Variants in SGSM1 observed in about 807,000 individuals in gnomAD.
SGSM1 encodes the protein small G protein signaling modulator 1.
In SGSM1, 73 loss-of-function variants were observed where a neutral mutation model predicts 133.8. The observed-to-expected ratio is 0.55, with a 90% CI of 0.45 to 0.66. The LOEUF (loss-of-function observed/expected upper bound fraction) is 0.66. Among genes scored for constraint, SGSM1 ranks in the 30% least tolerant of loss-of-function variants. The pLI, the probability that SGSM1 is intolerant of heterozygous loss-of-function variation, is 0.00. For missense variants in SGSM1, 1,213 were observed against 1,448.1 expected, an observed-to-expected ratio of 0.84 and a Z score of 2.64; for synonymous variants, 563 against 573.0, an observed-to-expected ratio of 0.98 and a Z score of 0.25.
chr22:24,884,059 C>T lies in SGSM1; in HGVS notation c.1502C>T (p.Ala501Val), dbSNP rs1932472122. The T allele has an allele frequency of 7.4e-6, 12 of 1,610,808 alleles. No individual in the cohort carries two copies. The highest frequency in any genetic ancestry group is 1.0e-5 in the Non-Finnish European group (12 of 1,178,446). ...TCCCTCCCTCCCTCAACAGGGCTGG[C>T]CTACTGCAGACACCTGTCCACCGTG... Reference protein sequence around the residue: ...ILSRAFYGWLAYCRHLSTVRT... With the variant: ...ILSRAFYGWLVYCRHLSTVRT... Residue 501 changes from alanine (A) to valine (V), a missense_variant, in exon 15 of 25, where the codon GCC (alanine) becomes GTC (valine). Coordinates refer to ENST00000400358, the MANE Select transcript of SGSM1 (RefSeq NM_001098497.3).
chr22:24,911,297 T>C (rs1390467259), intron 21 of SGSM1, among the ~76,000 whole-genome samples: 1 of 150,726 alleles, frequency 6.6e-6, no homozygotes, highest in East Asian at 1.9e-4. Context: ...CACTTTTTTT[T>C]TTTTTTTTTT....
At position 24,855,390 on chromosome 22, in the gene SGSM1, A is replaced by G; in HGVS notation, c.629A>G (p.His210Arg). 6.2e-7 allele frequency: 1 copy of G among 1,613,548 alleles called. No individual in the cohort carries two copies. The highest frequency in any genetic ancestry group is 8.5e-7 in the Non-Finnish European group (1 of 1,179,792). The change falls in exon 7 of 25, where the codon CAC (histidine) becomes CGC (arginine). Residue 210 changes from histidine (H) to arginine (R), a missense_variant. By Grantham distance (29) the His-to-Arg change is conservative (BLOSUM62 0). Transcript: ENST00000400358. ...LVQRHRIHSSHVRQDSPTKRP... is the reference protein window; with the variant it reads ...LVQRHRIHSSRVRQDSPTKRP... ...CAGAGGCACCGCATCCACAGCTCCCACGTGCGGCAGGACTCGCCCACCAAG... is the reference window on the plus strand; with the variant it reads ...CAGAGGCACCGCATCCACAGCTCCCGCGTGCGGCAGGACTCGCCCACCAAG...
chr22:24,826,544 G>A (rs1248711505), intron 2 of SGSM1, among the ~76,000 whole-genome samples: 1 of 152,232 alleles, frequency 6.6e-6, no homozygotes, highest in Non-Finnish European at 1.5e-5. Flanking sequence ...AGCACCTGCT[G>A]TGTGGCCAGG....
intron 22 of SGSM1, among the ~76,000 whole-genome samples, chr22:24,914,551 C>T (rs964721504): frequency 2.6e-5 from 4 of 152,110 alleles, no homozygotes; most frequent in East Asian, 3.9e-4. Context: ...CCCATCACTC[C>T]TGTCCTCCCA....
At chr22:24,858,933 C>T (rs1050451364) in intron 8 of SGSM1, among the ~76,000 whole-genome samples, 6 of 152,204 alleles carry the variant, frequency 3.9e-5, no homozygotes, top group Admixed American at 3.3e-4. Context: ...GGCAGGGCAG[C>T]CACGTCACAG....
intron 16 of SGSM1, among the ~76,000 whole-genome samples, chr22:24,888,709 G>A (rs936952308): frequency 1.3e-5 from 2 of 152,134 alleles, no homozygotes; most frequent in Admixed American, 1.3e-4. Context: ...AACCTGGGAG[G>A]TGGAGGTTGC....
chr22:24,857,407 CA>C (rs35981293), intron 8 of SGSM1, among the ~76,000 whole-genome samples: 26 of 120,376 alleles, frequency 2.2e-4, no homozygotes, highest in Non-Finnish European at 2.3e-4. Context: ...GACTCTGTCT[CA>C]AAAAAAAAAA....
intron 14 of SGSM1, 127 bp from the exon 15 acceptor site, chr22:24,883,926 G>A (rs1569162131): frequency 7.9e-6 from 9 of 1,144,376 alleles, no homozygotes; most frequent in Non-Finnish European, 7.1e-6. Context: ...AAATAATAGA[G>A]CAAGACTCTG....
chr22:24,901,685 C>A, intron 19 of SGSM1, 148 bp from the exon 20 acceptor site: 2 of 846,686 alleles, frequency 2.4e-6, no homozygotes, highest in South Asian at 4.9e-5. Context: ...CAAACAAAAT[C>A]AAACACCTGG....
intron 2 of SGSM1, among the ~76,000 whole-genome samples, chr22:24,840,867 T>C (rs1929747818): frequency 6.6e-6 from 1 of 152,228 alleles, no homozygotes; most frequent in African/African-American, 2.4e-5. Context: ...GTTTTGTTTT[T>C]TAAGACGGAG....
At chr22:24,825,709 C>T (rs985298807) in intron 2 of SGSM1, among the ~76,000 whole-genome samples, 59 of 152,314 alleles carry the variant, frequency 3.9e-4, no homozygotes, top group African/African-American at 1.3e-3. Context: ...GGATTACAGG[C>T]GTGAGGCACT....
At chr22:24,854,952 C>G in intron 5 of SGSM1, 44 bp from the exon 6 acceptor site, 1 of 1,524,994 alleles carries the variant, frequency 6.6e-7, no homozygotes, top group Non-Finnish European at 9.0e-7. Context: ...TGTGCGTCCT[C>G]TGCTGGTCTC....
intron 2 of SGSM1, among the ~76,000 whole-genome samples, chr22:24,825,110 C>T (rs1928724374): frequency 6.6e-6 from 1 of 152,114 alleles, no homozygotes; most frequent in African/African-American, 2.4e-5. Flanking sequence ...GGAGGTGACA[C>T]CTTGGCTGAA....
At chr22:24,845,401 G>A (rs1930037651) in intron 3 of SGSM1, among the ~76,000 whole-genome samples, 1 of 152,142 alleles carries the variant, frequency 6.6e-6, no homozygotes, top group South Asian at 2.1e-4. Flanking sequence ...AAGGCAGGCC[G>A]AGGGCTCAGA....
At position 24,874,305 on chromosome 22, in the gene SGSM1, C is replaced by T. The variant is rs867106824; in HGVS notation, c.1292-2272C>T. On this transcript the variant is annotated intron_variant, in intron 12 of 24. Coordinates refer to ENST00000400358, the MANE Select transcript of SGSM1 (RefSeq NM_001098497.3). ...AGTGAATGTGGGAGCTGTGTGGAGC[C>T]GGGAAGGGGGAGGGTTGGAGCCCCC... 86 of 1,138,582 alleles carry T rather than the reference C, an allele frequency of 7.6e-5. 1 individual carries two copies. The highest frequency in any genetic ancestry group is 2.6e-5 in the East Asian group (1 of 38,326). 70.5% of individuals were successfully genotyped at this position (1,138,582 alleles called of 1,614,324 possible).
At chr22:24,879,994 TG>T (rs1468243944) in intron 14 of SGSM1, among the ~76,000 whole-genome samples, 1 of 152,154 alleles carries the variant, frequency 6.6e-6, no homozygotes, top group Non-Finnish European at 1.5e-5. Flanking sequence ...ACTTGTATTA[TG>T]ATTATTCCTG....
At chr22:24,893,115 T>G (rs1932843006) in intron 16 of SGSM1, among the ~76,000 whole-genome samples, 1 of 151,968 alleles carries the variant, frequency 6.6e-6, no homozygotes, top group Non-Finnish European at 1.5e-5. Flanking sequence ...AGAAACAGTC[T>G]TCTCACTTTT....
intron 8 of SGSM1, among the ~76,000 whole-genome samples, chr22:24,858,470 A>T (rs143479090): frequency 4.0e-5 from 6 of 150,402 alleles, no homozygotes; most frequent in African/African-American, 1.5e-4. Context: ...TATCTTTACT[A>T]AAAAAAAATA....
intron 2 of SGSM1, among the ~76,000 whole-genome samples, chr22:24,817,236 A>G (rs970318474): frequency 4.6e-5 from 7 of 152,192 alleles, no homozygotes; most frequent in African/African-American, 9.6e-5. Context: ...GGGATGTACT[A>G]TGTGCCAGGT....
Sources: allele counts gnomAD v4.1 joint callset (sites outside exome capture counted in the v4.1 genomes callset), GRCh38; gene constraint gnomAD v4.1.1; transcripts MANE v1.5; gene names NCBI Gene and HGNC (gene_info 2026-07-23, HGNC 2026-07-21).